The following PTRHD1 variants were observed in gnomAD, a reference collection of about 807,000 sequenced individuals.
The protein encoded by PTRHD1 is putative peptidyl-tRNA hydrolase PTRHD1.
PTRHD1 carries 12 observed loss-of-function variants against 13.6 expected under a neutral mutation model. The observed-to-expected ratio is 0.88, with a 90% CI of 0.57 to 1.43. The LOEUF (loss-of-function observed/expected upper bound fraction) is 1.43, where lower values mean the gene tolerates loss of function less well. Ranked by LOEUF, PTRHD1 falls within the 40% of genes most tolerant of loss-of-function variation. The probability of loss-of-function intolerance (pLI) is 0.00; values close to 1 mark genes in which losing one functional copy is unlikely to be tolerated. For missense variants in PTRHD1, 203 were observed against 184.7 expected, an observed-to-expected ratio of 1.10 and a Z score of -0.57; for synonymous variants, 86 against 79.5, an observed-to-expected ratio of 1.08 and a Z score of -0.43.
chr2:24,792,954 A>C (rs923676079), intron 1 of PTRHD1, 172 bp downstream of exon 1: 11 of 762,184 alleles, frequency 1.4e-5, no homozygotes, highest in Non-Finnish European at 2.3e-5. Flanking sequence ...CTCTTCACAC[A>C]GTCAGGCCCT....
Position 24,790,126 on chromosome 2 carries a change from AG to A in PTRHD1, c.*284del. 3.4e-6 allele frequency: 1 copy of A among 294,332 alleles called. No individual in the cohort carries two copies. The allele number at this position is 294,332 out of a possible 1,614,324, so 18.2% of individuals were successfully genotyped here. A position where few individuals can be genotyped will look rare whatever the true frequency, so the allele number is the denominator to read the frequency against. ...TGAATAAGAAGGAATTCAAAAGCAA[AG>A]TTTCAAACCCGAGTGACTGGAAGGG... On this transcript the variant is annotated 3_prime_UTR_variant, in exon 2 of 2. Transcript: ENST00000328379.
In PTRHD1 at chr2:24,790,203, A is replaced by G; in HGVS notation, c.*208T>C. 1.9e-6 allele frequency: 1 copy of G among 522,070 alleles called. No individual in the cohort carries two copies. The highest frequency in any genetic ancestry group is 5.1e-4 in the Middle Eastern group (1 of 1,976). 32.3% of individuals were successfully genotyped at this position (522,070 alleles called of 1,614,324 possible). On this transcript the variant is annotated 3_prime_UTR_variant, in exon 2 of 2. Transcript: ENST00000328379. ...TCTAACCAAATCTTCTATTTGAGCA[A>G]TGATCCCCAGACAATACTGCTCTCC...
rs191358168 is a variant in PTRHD1, at chr2:24,790,267, T to C, written c.*144A>G. On this transcript the variant is annotated 3_prime_UTR_variant, in exon 2 of 2. Transcript: ENST00000328379. ...TGAACTTATTAATAAGAGGAAGTAGTTATTAATGACAACTTTAATATGAAC... is the reference window on the plus strand; with the variant it reads ...TGAACTTATTAATAAGAGGAAGTAGCTATTAATGACAACTTTAATATGAAC... 1 of 865,966 alleles carries C rather than the reference T, an allele frequency of 1.2e-6. No homozygotes were observed. Among genetic ancestry groups the C allele is most frequent in the African/African-American group, 1.7e-5 (1 of 59,486 alleles). 53.6% of individuals were successfully genotyped at this position (865,966 alleles called of 1,614,324 possible).
chr2:24,793,332 C>T lies in PTRHD1; in HGVS notation c.46G>A (p.Ala16Thr). ...ACCTGCGGCTCCGCCCCAGAGGCCG[C>T]CATCTTCCTGACCACCCGAAAGGCC... ...GPAFRVVRKM[A>T]ASGAEPQVLV... The change falls in exon 1 of 2, where the codon GCG becomes ACG. Residue 16 changes from alanine to threonine, a missense_variant. Transcript: ENST00000328379. 6.2e-7 allele frequency: 1 copy of T among 1,613,846 alleles called. No individual in the cohort carries two copies. The highest frequency in any genetic ancestry group is 8.5e-7 in the Non-Finnish European group (1 of 1,180,040).
At position 24,790,376 on chromosome 2, in the gene PTRHD1, G is replaced by A. The variant is rs1432870943; in HGVS notation, c.*35C>T. 1.0e-5 allele frequency: 16 copies of A among 1,595,728 alleles called. No homozygotes were observed. Among genetic ancestry groups the A allele is most frequent in the Non-Finnish European group, 1.3e-5 (15 of 1,169,076 alleles). ...AAGGAACACATGATGCTTTGGAATG[G>A]GTGGCCTGCGTATTCAAACACATCA... On this transcript the variant is annotated 3_prime_UTR_variant, in exon 2 of 2. Transcript: ENST00000328379.
intron 1 of PTRHD1, among the ~76,000 whole-genome samples, chr2:24,790,992 T>C (rs1271287239): frequency 6.6e-6 from 1 of 151,848 alleles, no homozygotes; most frequent in East Asian, 1.9e-4. Flanking sequence ...GGCACGATTA[T>C]CAGCTCACTG....
chr2:24,793,230 G>A lies in PTRHD1; in HGVS notation c.148C>T (p.Gln50Ter). 1.9e-6 allele frequency: 3 copies of A among 1,613,444 alleles called. No individual in the cohort carries two copies. The highest frequency in any genetic ancestry group is 2.5e-6 in the Non-Finnish European group (3 of 1,180,012). ...FSWPAGALVA[Q>*]ACHAATAALH... ...GCCGCGGTGGCCGCGTGACAAGCCT[G>A]CGCTACCAGTGCGCCCGCCGGCCAG... is the stretch of plus-strand genomic sequence containing the variant. The change falls in exon 1 of 2, where the codon CAG (glutamine) becomes TAG (stop). Residue 50 changes from glutamine (Q) to a stop codon, truncating the protein, a stop_gained. Coordinates refer to ENST00000328379, the MANE Select transcript of PTRHD1 (RefSeq NM_001013663.2). LOFTEE classifies it high-confidence loss of function.
At chr2:24,791,049 C>G (rs1292553917) in intron 1 of PTRHD1, among the ~76,000 whole-genome samples, 2 of 151,892 alleles carry the variant, frequency 1.3e-5, no homozygotes, top group Non-Finnish European at 1.5e-5. Flanking sequence ...CTCAGCCTCC[C>G]GAGTAGCTGG....
intron 1 of PTRHD1, 22 bp from the exon 2 acceptor site, chr2:24,790,603 C>T: frequency 6.2e-7 from 1 of 1,603,408 alleles, no homozygotes; most frequent in Non-Finnish European, 8.5e-7. Context: ...GAACACAGAA[C>T]ACAAACTGAA....
At chr2:24,792,099 C>T (rs569717346) in intron 1 of PTRHD1, among the ~76,000 whole-genome samples, 33 of 152,198 alleles carry the variant, frequency 2.2e-4, no homozygotes, top group Non-Finnish European at 4.1e-4. Context: ...AAGCCAGCAG[C>T]TTCTGTTCTG....
chr2:24,791,877 G>T (rs1020833241), intron 1 of PTRHD1, among the ~76,000 whole-genome samples: 5 of 152,130 alleles, frequency 3.3e-5, no homozygotes, highest in African/African-American at 1.2e-4. Flanking sequence ...ATATTTTATT[G>T]GCCCTTCTGA....
rs1665614277 is a variant in PTRHD1, at chr2:24,791,171, C to T, written c.253-590G>A. The stretch of plus-strand genomic sequence containing the variant: ...AGCTCCTGACCTCAAGCAATCCACC[C>T]ACCTAAGCCTCCCAAAGTGCTAGGA... On this transcript the variant is annotated intron_variant, in intron 1 of 1. Coordinates refer to ENST00000328379, the MANE Select transcript of PTRHD1 (RefSeq NM_001013663.2). 2.6e-5 allele frequency among the ~76,000 whole-genome samples: 4 copies of T among 152,186 alleles called. No homozygotes were observed. In the South Asian group the frequency reaches 8.3e-4, roughly 32 times the overall value.
At position 24,790,511 on chromosome 2, in the gene PTRHD1, C is replaced by G; in HGVS notation, c.323G>C (p.Trp108Ser). The G allele has an allele frequency of 6.2e-7, 1 of 1,614,206 alleles. No homozygotes were observed. Among genetic ancestry groups the G allele is most frequent in the Non-Finnish European group, 8.5e-7 (1 of 1,180,044 alleles). Residue 108 changes from tryptophan to serine, a missense_variant, in exon 2 of 2, where the codon TGG becomes TCG. By Grantham distance (177) the Trp-to-Ser change is radical. Transcript: ENST00000328379. The part of the protein sequence containing the change: ...LQQKNIDHML[W>S]LEQPENIATC... ...GGCGATATTCTCTGGTTGCTCAAGCCACAGCATGTGGTCAATGTTCTTCTG... is the reference window on the plus strand; with the variant it reads ...GGCGATATTCTCTGGTTGCTCAAGCGACAGCATGTGGTCAATGTTCTTCTG...
At chr2:24,791,964 T>C (rs1389016092) in intron 1 of PTRHD1, among the ~76,000 whole-genome samples, 1 of 152,198 alleles carries the variant, frequency 6.6e-6, no homozygotes, top group African/African-American at 2.4e-5. Context: ...CTAAGAATCA[T>C]GAGACCCTCT....
At position 24,792,151 on chromosome 2, in the gene PTRHD1, T is replaced by G. The variant is rs530996541; in HGVS notation, c.252+975A>C. Among the ~76,000 whole-genome samples the G allele has an allele frequency of 2.0e-5, 3 of 152,360 alleles. No homozygotes were observed. In the East Asian group the frequency reaches 5.8e-4, roughly 29 times the overall value. On this transcript the variant is annotated intron_variant, in intron 1 of 1. Transcript: ENST00000328379. Reference sequence around the variant, plus strand: ...AGGCATTTTTCCTACAGGTTACCGCTTGATGTTTCACTATCCAGCAGCAAT... The same window carrying G: ...AGGCATTTTTCCTACAGGTTACCGCGTGATGTTTCACTATCCAGCAGCAAT...
intron 1 of PTRHD1, 182 bp downstream of exon 1, chr2:24,792,944 C>T (rs1665670203): frequency 1.4e-6 from 1 of 714,130 alleles, no homozygotes; most frequent in Non-Finnish European, 2.3e-6. Context: ...CTGCTGTCCA[C>T]TCTTCACACA....
At chr2:24,791,879 C>T (rs1269748694) in intron 1 of PTRHD1, among the ~76,000 whole-genome samples, 2 of 152,198 alleles carry the variant, frequency 1.3e-5, no homozygotes, top group African/African-American at 4.8e-5. Flanking sequence ...ATTTTATTGG[C>T]CCTTCTGACT....
chr2:24,792,005 T>C (rs1406431244), intron 1 of PTRHD1, among the ~76,000 whole-genome samples: 2 of 152,222 alleles, frequency 1.3e-5, no homozygotes, highest in East Asian at 3.8e-4. Flanking sequence ...TTAATCCCTG[T>C]AGGCTTCAGA....
At chr2:24,791,218 C>G (rs979450893) in intron 1 of PTRHD1, among the ~76,000 whole-genome samples, 4 of 152,118 alleles carry the variant, frequency 2.6e-5, no homozygotes, top group African/African-American at 9.7e-5. Context: ...AGCCACCATG[C>G]CCGGCCCCTA....
Sources: gnomAD v4.1 joint callset for allele counts (sites outside exome capture counted in the v4.1 genomes callset) on GRCh38, gnomAD v4.1.1 for gene constraint, MANE v1.5 for transcripts, NCBI Gene and HGNC (gene_info 2026-07-23, HGNC 2026-07-21) for gene names.